Variants in SLC35F3 observed in about 807,000 individuals in gnomAD.
SLC35F3 encodes the protein solute carrier family 35 member F3, also known as putative thiamine transporter SLC35F3.
A neutral mutation model predicts 49.9 loss-of-function variants in SLC35F3; 25 were observed. That is an observed-to-expected ratio of 0.50 (90% CI 0.37 to 0.70). The LOEUF is 0.70. Ranked by LOEUF, SLC35F3 falls within the 30% of genes least tolerant of loss-of-function variation. SLC35F3 has a pLI of 0.00. For missense variants in SLC35F3, 525 were observed against 639.8 expected (o/e 0.82, Z 1.94); for synonymous variants, 275 against 265.4 (o/e 1.04, Z -0.35).
intron 7 of SLC35F3, among the ~76,000 whole-genome samples, chr1:234,321,841 G>A (rs1558110304): frequency 6.6e-6 from 1 of 151,982 alleles, no homozygotes; most frequent in Non-Finnish European, 1.5e-5. Context: ...TGGCTGGTTG[G>A]CTCTCCTTAT....
intron 2 of SLC35F3, among the ~76,000 whole-genome samples, chr1:234,174,980 G>T (rs1412265534): frequency 4.6e-5 from 7 of 152,214 alleles, no homozygotes; most frequent in African/African-American, 1.4e-4. Flanking sequence ...GAGGTGGAAG[G>T]CGTCTTGTCA....
chr1:233,987,789 T>C (rs144310686), intron 2 of SLC35F3, among the ~76,000 whole-genome samples: 113 of 152,320 alleles, frequency 7.4e-4, no homozygotes, highest in Non-Finnish European at 1.8e-4. Context: ...TTTAATCTTC[T>C]TATATTTGAT....
At position 234,231,077 on chromosome 1, in the gene SLC35F3, C is replaced by T. The variant is rs1417945506; in HGVS notation, c.284-340C>T. 1.3e-5 allele frequency among the ~76,000 whole-genome samples: 2 copies of T among 152,196 alleles called. No homozygotes were observed. Among genetic ancestry groups the T allele is most frequent in the African/African-American group, 4.8e-5 (2 of 41,448 alleles). On this transcript the variant is annotated intron_variant, in intron 2 of 7. Transcript: ENST00000366618. This position sits in a 1 kb window ranked among gnomAD's most constrained non-coding sequence, Gnocchi z 5.4. Reference sequence around the variant, plus strand: ...CTGGAGGAGTGTTTCCCAAAGCACGCAGATCACCTGAGGAATGCAGGTTCT... The same window carrying T: ...CTGGAGGAGTGTTTCCCAAAGCACGTAGATCACCTGAGGAATGCAGGTTCT...
At chr1:234,232,519 C>CAAAAAAAAAAAAAAAAAAAAAAAAAA (rs536692686) in intron 3 of SLC35F3, among the ~76,000 whole-genome samples, 2 of 72,358 alleles carry the variant, frequency 2.8e-5, no homozygotes, top group African/African-American at 5.5e-5. Flanking sequence ...CAGGCCTAGT[C>CAAAAAAAAAAAAAAAAAAAAAAAAAA]AAAAAAAAAA....
chr1:234,249,967 G>A lies in SLC35F3; in HGVS notation c.608+18226G>A, dbSNP rs542954072. Among the ~76,000 whole-genome samples the A allele has an allele frequency of 1.4e-4, 21 of 152,188 alleles. No individual in the cohort carries two copies. The East Asian group carries it at 2.7e-3, about 20-fold the overall frequency. ...ACTCTTTAAAGTGCTAATATGTACCGGAACCCTCCGAGGGAGTATACAGTA... is the reference window on the plus strand; with the variant it reads ...ACTCTTTAAAGTGCTAATATGTACCAGAACCCTCCGAGGGAGTATACAGTA... On this transcript the variant is annotated intron_variant, in intron 3 of 7. Coordinates refer to ENST00000366618, the MANE Select transcript of SLC35F3 (RefSeq NM_173508.4).
chr1:234,056,437 G>A (rs1664457802), intron 2 of SLC35F3, among the ~76,000 whole-genome samples: 1 of 151,958 alleles, frequency 6.6e-6, no homozygotes, highest in African/African-American at 2.4e-5. Flanking sequence ...ATTAGTACAT[G>A]GTATCTGTGC....
chr1:234,122,549 C>G (rs1665591449), intron 2 of SLC35F3, among the ~76,000 whole-genome samples: 1 of 152,130 alleles, frequency 6.6e-6, no homozygotes, highest in African/African-American at 2.4e-5. Flanking sequence ...TTTGCTGCAC[C>G]TATCAACCCA....
At chr1:234,303,911 T>C (rs1668730584) in intron 3 of SLC35F3, among the ~76,000 whole-genome samples, 1 of 152,192 alleles carries the variant, frequency 6.6e-6, no homozygotes, top group East Asian at 1.9e-4. Flanking sequence ...TGATTTATTT[T>C]GTAATTTCCT....
chr1:233,981,334 C>A (rs1162877965), intron 2 of SLC35F3, among the ~76,000 whole-genome samples: 4 of 152,214 alleles, frequency 2.6e-5, no homozygotes, highest in Admixed American at 2.0e-4. Context: ...CCGCCTCTAA[C>A]CCTACACAAT....
Position 234,046,197 on chromosome 1 carries a change from A to G in SLC35F3, c.283+140439A>G, listed in dbSNP as rs951803280. ...AGAGTTATGAGCATATTTGGCTTTT[A>G]AGAGCATGTTACACCAAATTAAATT... On this transcript the variant is annotated intron_variant, in intron 2 of 7. Transcript: ENST00000366618. This position sits in a 1 kb window ranked among gnomAD's most constrained non-coding sequence, Gnocchi z 4.4. 6.6e-6 allele frequency among the ~76,000 whole-genome samples: 1 copy of G among 152,208 alleles called. No individual in the cohort carries two copies. The highest frequency in any genetic ancestry group is 2.4e-5 in the African/African-American group (1 of 41,458).
At chr1:234,116,594 C>T (rs1225957350) in intron 2 of SLC35F3, among the ~76,000 whole-genome samples, 3 of 151,808 alleles carry the variant, frequency 2.0e-5, no homozygotes, top group Non-Finnish European at 4.4e-5. Context: ...TCACTGCAAC[C>T]TCCGTCTCCC....
intron 3 of SLC35F3, among the ~76,000 whole-genome samples, chr1:234,252,542 T>G (rs773457725): frequency 3.3e-5 from 5 of 152,160 alleles, no homozygotes; most frequent in Non-Finnish European, 5.9e-5. Flanking sequence ...AATCAACAAC[T>G]CAATAGAGAA....
chr1:234,028,667 C>G (rs1664013382), intron 2 of SLC35F3, among the ~76,000 whole-genome samples: 1 of 152,174 alleles, frequency 6.6e-6, no homozygotes, highest in Non-Finnish European at 1.5e-5. Flanking sequence ...AATACTAATA[C>G]AGAGCAAGAG....
intron 2 of SLC35F3, among the ~76,000 whole-genome samples, chr1:233,974,628 C>G (rs1001212673): frequency 1.6e-4 from 24 of 152,168 alleles, no homozygotes; most frequent in African/African-American, 5.8e-4. Flanking sequence ...TTTGCTGTTT[C>G]TTATGTCTTT....
chr1:234,278,510 A>G (rs1400943071), intron 3 of SLC35F3, among the ~76,000 whole-genome samples: 1 of 151,824 alleles, frequency 6.6e-6, no homozygotes, highest in Non-Finnish European at 1.5e-5. Context: ...AAAAAACGAA[A>G]AAAAAAGAGA....
intron 2 of SLC35F3, among the ~76,000 whole-genome samples, chr1:234,009,845 A>G (rs901810552): frequency 1.3e-5 from 2 of 152,202 alleles, no homozygotes; most frequent in Admixed American, 6.5e-5. Context: ...GTGGGATGTT[A>G]TACTCAAAGT....
At chr1:234,045,214 T>A (rs1024503311) in intron 2 of SLC35F3, among the ~76,000 whole-genome samples, 2 of 152,186 alleles carry the variant, frequency 1.3e-5, no homozygotes, top group Non-Finnish European at 2.9e-5. Flanking sequence ...GTGTATAACC[T>A]CATAGTTTAT....
At chr1:234,166,065 G>A (rs1666313952) in intron 2 of SLC35F3, among the ~76,000 whole-genome samples, 1 of 152,152 alleles carries the variant, frequency 6.6e-6, no homozygotes, top group Non-Finnish European at 1.5e-5. Flanking sequence ...ATTCCATGGT[G>A]TATATATAAC....
At chr1:234,127,180 G>A (rs1169271326) in intron 2 of SLC35F3, among the ~76,000 whole-genome samples, 1 of 152,008 alleles carries the variant, frequency 6.6e-6, no homozygotes, top group Admixed American at 6.6e-5. Flanking sequence ...ATACCTAATT[G>A]AATACTCAAT....
Sources: allele counts gnomAD v4.1 joint callset (sites outside exome capture counted in the v4.1 genomes callset), GRCh38; gene constraint gnomAD v4.1.1; non-coding constraint Gnocchi (gnomAD v3.1); transcripts MANE v1.5; gene names NCBI Gene and HGNC (gene_info 2026-07-23, HGNC 2026-07-21).